Variants in CFDP1 observed in about 807,000 individuals in gnomAD.
The protein encoded by CFDP1 is chromatin remodeling protein CFDP1.
CFDP1 carries 31 observed loss-of-function variants against 40.1 expected under a neutral mutation model. The ratio of observed to expected loss-of-function variants is 0.77; its 90% CI spans 0.58 to 1.04. CFDP1 has a LOEUF of 1.04. Ranked by LOEUF, CFDP1 falls within the 50% of genes least tolerant of loss-of-function variation. The pLI, the probability that CFDP1 is intolerant of heterozygous loss-of-function variation, is 0.00. For synonymous variants in CFDP1, 167 were observed against 120.0 expected, an observed-to-expected ratio of 1.39 and a Z score of -2.56; for missense variants, 423 against 343.4, an observed-to-expected ratio of 1.23 and a Z score of -1.83.
chr16:75,325,617 A>T (rs1322952878), intron 5 of CFDP1, among the ~76,000 whole-genome samples: 1 of 152,242 alleles, frequency 6.6e-6, no homozygotes, highest in East Asian at 1.9e-4. Flanking sequence ...CAAGGGCTGG[A>T]ACGAATGTCT....
intron 1 of CFDP1, among the ~76,000 whole-genome samples, chr16:75,416,596 A>C (rs2079208598): frequency 6.6e-6 from 1 of 151,922 alleles, no homozygotes; most frequent in South Asian, 2.1e-4. Flanking sequence ...CTGTCTCTAC[A>C]AAAAAATACA....
intron 6 of CFDP1, among the ~76,000 whole-genome samples, chr16:75,300,304 T>C (rs1296653746): frequency 6.6e-6 from 1 of 152,156 alleles, no homozygotes; most frequent in Non-Finnish European, 1.5e-5. Context: ...TTTCTTTTTT[T>C]GAGACAGAGT....
At chr16:75,303,919 T>C (rs1408572753) in intron 6 of CFDP1, among the ~76,000 whole-genome samples, 2 of 152,186 alleles carry the variant, frequency 1.3e-5, no homozygotes, top group African/African-American at 4.8e-5. Context: ...GGCTCTCTGG[T>C]GGGACACTCA....
chr16:75,405,518 C>A (rs761611295), intron 4 of CFDP1, among the ~76,000 whole-genome samples: 1 of 151,666 alleles, frequency 6.6e-6, no homozygotes, highest in Non-Finnish European at 1.5e-5. Context: ...GAGGCTGAGG[C>A]GGGCAGATCA....
At chr16:75,297,143 T>G in intron 6 of CFDP1, among the ~76,000 whole-genome samples, 1 of 146,428 alleles carries the variant, frequency 6.8e-6, no homozygotes, top group African/African-American at 2.5e-5. Context: ...TGCTTCCCAT[T>G]TCTTGTGTGT....
chr16:75,347,303 C>T (rs1157816504), intron 5 of CFDP1, among the ~76,000 whole-genome samples: 18 of 134,842 alleles, frequency 1.3e-4, no homozygotes, highest in African/African-American at 5.1e-4. Context: ...GAGATCGGAC[C>T]ATTGCACTCC....
intron 5 of CFDP1, among the ~76,000 whole-genome samples, chr16:75,314,346 G>A (rs1343221147): frequency 2.0e-5 from 3 of 152,256 alleles, no homozygotes; most frequent in South Asian, 2.1e-4. Flanking sequence ...AAAACATTAC[G>A]TTAAGCGAGA....
intron 6 of CFDP1, among the ~76,000 whole-genome samples, chr16:75,304,803 C>T (rs1271015535): frequency 6.6e-6 from 1 of 152,206 alleles, no homozygotes; most frequent in Non-Finnish European, 1.5e-5. Flanking sequence ...CCTGAGAGTA[C>T]TCCTCACATG....
At chr16:75,370,536 C>G (rs530518803) in intron 5 of CFDP1, among the ~76,000 whole-genome samples, 6 of 152,156 alleles carry the variant, frequency 3.9e-5, no homozygotes, top group African/African-American at 1.4e-4. Context: ...TGCACATGTA[C>G]CCTAGAACTT....
chr16:75,412,659 G>A lies in CFDP1; in HGVS notation c.278C>T (p.Ala93Val). ...TCCAATGCCTTTTTCCTGCTCTGCAGCGTCATCTTCCTCCTCACTACTGCT... is the reference window on the plus strand; with the variant it reads ...TCCAATGCCTTTTTCCTGCTCTGCAACGTCATCTTCCTCCTCACTACTGCT... ...EGSSSEEEDDAAEQEKGIGSE... is the reference protein window; with the variant it reads ...EGSSSEEEDDVAEQEKGIGSE... Residue 93 changes from alanine (A) to valine (V), a missense_variant, in exon 3 of 7, where the codon GCT becomes GTT. By Grantham distance (64) the Ala-to-Val change is moderately conservative. Transcript: ENST00000283882. 6.2e-7 allele frequency: 1 copy of A among 1,614,086 alleles called. No homozygotes were observed. The highest frequency in any genetic ancestry group is 2.2e-5 in the East Asian group (1 of 44,866).
rs141124786 is a variant in CFDP1 at position 75,412,604 on chromosome 16, G to A, written c.333C>T (p.Asp111=). 115 of 1,614,074 alleles carry A rather than the reference G, an allele frequency of 7.1e-5. No individual in the cohort carries two copies. The highest frequency in any genetic ancestry group is 4.9e-4 in the Middle Eastern group (3 of 6,062). ...GSEDARKKKE[D]ELWASFLNDV... ...CATTGAGGAAGCTGGCCCAGAGTTC[G>A]TCCTCCTTCTTTTTCCTGGCATCCT... Residue 111 remains aspartate (D), a synonymous_variant, in exon 3 of 7, where the codon GAC becomes GAT. Coordinates refer to ENST00000283882, the MANE Select transcript of CFDP1 (RefSeq NM_006324.3).
chr16:75,368,946 C>T (rs1336209502), intron 5 of CFDP1, among the ~76,000 whole-genome samples: 1 of 152,014 alleles, frequency 6.6e-6, no homozygotes, highest in African/African-American at 2.4e-5. Context: ...TTCCTTTTTA[C>T]ATTTTTCAAT....
intron 1 of CFDP1, among the ~76,000 whole-genome samples, chr16:75,419,668 G>C (rs577226422): frequency 1.1e-4 from 17 of 152,232 alleles, no homozygotes; most frequent in African/African-American, 4.1e-4. Context: ...AGAAGATACA[G>C]GTCATAAAGA....
intron 5 of CFDP1, among the ~76,000 whole-genome samples, chr16:75,354,740 C>T (rs1167206714): frequency 6.6e-6 from 1 of 152,028 alleles, no homozygotes; most frequent in African/African-American, 2.4e-5. Flanking sequence ...ACAGGGTATC[C>T]GCAACTGGAT....
chr16:75,325,644 T>C (rs1341829458), intron 5 of CFDP1, among the ~76,000 whole-genome samples: 3 of 152,366 alleles, frequency 2.0e-5, no homozygotes, highest in East Asian at 3.9e-4. Flanking sequence ...TTCACTGATA[T>C]AACCTAAGCA....
rs537834321 is a variant in CFDP1 at position 75,303,823 on chromosome 16, T to C, written c.809+1201A>G. On this transcript the variant is annotated intron_variant, in intron 6 of 6. Transcript: ENST00000283882. ...GGATGGTATCGTTATCCCAGTTTTA[T>C]TGGTAAAGGAGCTGAGCCTCAGAGG... is the stretch of plus-strand genomic sequence containing the variant. 3.3e-5 allele frequency among the ~76,000 whole-genome samples: 5 copies of C among 152,292 alleles called. No individual in the cohort carries two copies. The South Asian group carries it at 8.3e-4, about 25-fold the overall frequency.
At chr16:75,332,532 T>C (rs1048650569) in intron 5 of CFDP1, among the ~76,000 whole-genome samples, 2 of 151,650 alleles carry the variant, frequency 1.3e-5, no homozygotes, top group Non-Finnish European at 2.9e-5. Context: ...CTCGATGTGG[T>C]GGTGCTTGTT....
intron 5 of CFDP1, among the ~76,000 whole-genome samples, chr16:75,394,489 G>C (rs1468250297): frequency 6.6e-6 from 1 of 152,098 alleles, no homozygotes; most frequent in Non-Finnish European, 1.5e-5. Flanking sequence ...ATGGGAGTGA[G>C]TGTTCATCGC....
At chr16:75,339,556 T>A (rs2151519659) in intron 5 of CFDP1, among the ~76,000 whole-genome samples, 1 of 152,114 alleles carries the variant, frequency 6.6e-6, no homozygotes, top group East Asian at 1.9e-4. Flanking sequence ...AAATGCTGCA[T>A]TACTTCACCA....
Sources: gnomAD v4.1 joint callset for allele counts (sites outside exome capture counted in the v4.1 genomes callset) on GRCh38, gnomAD v4.1.1 for gene constraint, MANE v1.5 for transcripts, NCBI Gene and HGNC (gene_info 2026-07-23, HGNC 2026-07-21) for gene names.